The following PIK3C2G variants were observed in gnomAD, a reference collection of about 807,000 sequenced individuals.
The protein encoded by PIK3C2G is phosphatidylinositol 3-kinase C2 domain-containing subunit gamma.
Under a neutral mutation model 181.1 loss-of-function variants are expected in PIK3C2G, and 168 were observed. The observed-to-expected ratio is 0.93, with a 90% CI of 0.82 to 1.05. PIK3C2G has a LOEUF of 1.05. Ranked by LOEUF, PIK3C2G falls within the 50% of genes least tolerant of loss-of-function variation. PIK3C2G has a pLI of 0.00. For synonymous variants in PIK3C2G, 573 were observed against 592.2 expected, an observed-to-expected ratio of 0.97 and a Z score of 0.47; for missense variants, 1,869 against 1,732.8, an observed-to-expected ratio of 1.08 and a Z score of -1.40.
In PIK3C2G at chr12:18,496,196, G is replaced by A. The variant is rs188235740; in HGVS notation, c.2886+42G>A. On this transcript the variant is annotated intron_variant, in intron 21 of 32. Coordinates refer to ENST00000538779, the MANE Select transcript of PIK3C2G (RefSeq NM_001288772.2). ...AAAACATGAATTGATTCCATACACA[G>A]AACTATCGATTTATTACTCACAAAA... 1.0e-3 allele frequency: 1,132 copies of A among 1,120,148 alleles called. 7 individuals are homozygous for A. The African/African-American group carries it at 0.016, about 16-fold the overall frequency. The allele number at this position is 1,120,148 out of a possible 1,614,324, so 69.4% of individuals were successfully genotyped here.
At chr12:18,561,341 T>A (rs986051804) in intron 26 of PIK3C2G, among the ~76,000 whole-genome samples, 1 of 152,180 alleles carries the variant, frequency 6.6e-6, no homozygotes, top group African/African-American at 2.4e-5. Flanking sequence ...TAGACAGGCA[T>A]ACTGGCACAT....
In PIK3C2G at chr12:18,389,806, C is replaced by T. The variant is rs536744262; in HGVS notation, c.1996-1316C>T. Among the ~76,000 whole-genome samples the T allele has an allele frequency of 3.3e-5, 5 of 152,234 alleles. No individual in the cohort carries two copies. In the East Asian group the frequency reaches 5.8e-4, roughly 18 times the overall value. ...AAAATTGTTTCCTAAGTGAAATATA[C>T]ACAAATAATTTATTATAGGTTTGTA... On this transcript the variant is annotated intron_variant, in intron 14 of 32. Transcript: ENST00000538779.
chr12:18,390,037 T>A (rs1352134909), intron 14 of PIK3C2G, among the ~76,000 whole-genome samples: 1 of 152,186 alleles, frequency 6.6e-6, no homozygotes, highest in Non-Finnish European at 1.5e-5. Flanking sequence ...TTAATCTTTG[T>A]CAAGAGGCAA....
chr12:18,696,189 A>T, the PIK3C2G span: 1 of 1,596,498 alleles, frequency 6.3e-7, no homozygotes, highest in Non-Finnish European at 8.6e-7. Flanking sequence ...TGGGGATTAA[A>T]ATTAGAAGAG....
At chr12:18,656,111 G>A in the PIK3C2G span, among the ~76,000 whole-genome samples, 1 of 152,182 alleles carries the variant, frequency 6.6e-6, no homozygotes, top group Non-Finnish European at 1.5e-5. Flanking sequence ...AAGTAGGGAA[G>A]TCTAAAGTTC....
chr12:18,555,428 A>G (rs1395819627), intron 26 of PIK3C2G, among the ~76,000 whole-genome samples: 2 of 152,166 alleles, frequency 1.3e-5, no homozygotes, highest in African/African-American at 4.8e-5. Flanking sequence ...TCTGGATTCA[A>G]CTCAGTTTTC....
downstream of PIK3C2G, among the ~76,000 whole-genome samples, chr12:18,650,712 CTATATATATATATATATATA>C (rs1157799425): frequency 3.6e-3 from 53 of 14,610 alleles, no homozygotes; most frequent in African/African-American, 0.012. Context: ...GTGTATATAT[CTATATATATATATATATATA>C]TATATATATA....
chr12:18,602,798 G>A (rs778679999), intron 30 of PIK3C2G, among the ~76,000 whole-genome samples: 1 of 152,112 alleles, frequency 6.6e-6, no homozygotes, highest in Non-Finnish European at 1.5e-5. Context: ...TCAGCTCACT[G>A]GAAGCCACAT....
intron 5 of PIK3C2G, among the ~76,000 whole-genome samples, chr12:18,303,130 C>CTT (rs1555153589): frequency 7.3e-5 from 8 of 109,746 alleles, no homozygotes; most frequent in Admixed American, 4.6e-4. Context: ...TTCTTTCTTT[C>CTT]TTTCTTTCTT....
intron 14 of PIK3C2G, among the ~76,000 whole-genome samples, chr12:18,383,327 G>C (rs1023828379): frequency 6.6e-6 from 1 of 152,194 alleles, no homozygotes; most frequent in Non-Finnish European, 1.5e-5. Flanking sequence ...CAGCTGGAGA[G>C]ACAGACTTTC....
At chr12:18,523,960 G>A (rs1373004151) in intron 24 of PIK3C2G, among the ~76,000 whole-genome samples, 1 of 152,190 alleles carries the variant, frequency 6.6e-6, no homozygotes, top group Non-Finnish European at 1.5e-5. Context: ...CATGAACTAT[G>A]TTTTCTCCAT....
At chr12:18,659,094 G>A in the PIK3C2G span, among the ~76,000 whole-genome samples, 4 of 152,126 alleles carry the variant, frequency 2.6e-5, no homozygotes, top group African/African-American at 9.6e-5. Flanking sequence ...TAGGGCAGAA[G>A]GGAAGACACA....
intron 5 of PIK3C2G, among the ~76,000 whole-genome samples, chr12:18,294,587 T>C (rs1949852366): frequency 6.6e-6 from 1 of 152,012 alleles, no homozygotes; most frequent in African/African-American, 2.4e-5. Context: ...GTCCTCAGTA[T>C]ATCAACTTCA....
chr12:18,270,070 C>T (rs898129375), intron 1 of PIK3C2G, among the ~76,000 whole-genome samples: 8 of 151,902 alleles, frequency 5.3e-5, no homozygotes, highest in South Asian at 2.1e-4. Flanking sequence ...CCACCACGCC[C>T]GGCTAATTTT....
chr12:18,285,782 AG>A (rs1238003509), intron 2 of PIK3C2G, among the ~76,000 whole-genome samples: 1 of 152,012 alleles, frequency 6.6e-6, no homozygotes, highest in Non-Finnish European at 1.5e-5. Context: ...ACAGAAGAAC[AG>A]AATAAAATAG....
intron 29 of PIK3C2G, among the ~76,000 whole-genome samples, chr12:18,580,417 T>C (rs537819527): frequency 1.8e-4 from 28 of 152,312 alleles, no homozygotes; most frequent in African/African-American, 6.5e-4. Context: ...TAAATCCAAA[T>C]GGATAAATCC....
In PIK3C2G at chr12:18,630,367, G is replaced by A. The variant is rs140802234; in HGVS notation, c.4183-10062G>A. The stretch of plus-strand genomic sequence containing the variant: ...AGATCATGCCACTGCACCCCAGCCC[G>A]GGTAACAGAGCGGGATTTTTTCTCA... On this transcript the variant is annotated intron_variant, in intron 31 of 32. Coordinates refer to ENST00000538779, the MANE Select transcript of PIK3C2G (RefSeq NM_001288772.2). Among the ~76,000 whole-genome samples the A allele has an allele frequency of 4.5e-3, 688 of 152,166 alleles. 5 individuals are homozygous for A. Among genetic ancestry groups the A allele is most frequent in the African/African-American group, 0.015 (643 of 41,514 alleles).
At chr12:18,713,463 G>GTA in the PIK3C2G span, among the ~76,000 whole-genome samples, 1 of 152,138 alleles carries the variant, frequency 6.6e-6, no homozygotes, top group East Asian at 1.9e-4. Context: ...GGGGAATGGG[G>GTA]TATATGGCAG....
chr12:18,607,086 C>T (rs938954130), intron 30 of PIK3C2G: 4 of 445,234 alleles, frequency 9.0e-6, no homozygotes, highest in South Asian at 6.9e-5. Context: ...AAAATAATTA[C>T]AATGTAACAT....
Sources: allele counts gnomAD v4.1 joint callset (sites outside exome capture counted in the v4.1 genomes callset), GRCh38; gene constraint gnomAD v4.1.1; transcripts MANE v1.5; gene names NCBI Gene and HGNC (gene_info 2026-07-23, HGNC 2026-07-21).